The following DACH2 variants were observed in gnomAD, a reference collection of about 807,000 sequenced individuals.
DACH2 encodes dachshund family transcription factor 2.
DACH2 carries 17 observed loss-of-function variants against 35.8 expected under a neutral mutation model. The ratio of observed to expected loss-of-function variants is 0.48; its 90% confidence interval spans 0.33 to 0.71. DACH2 has a LOEUF of 0.71. Ranked by LOEUF, DACH2 falls within the 30% of genes least tolerant of loss-of-function variation. DACH2 has a pLI of 0.02. For missense variants in DACH2, 469 were observed against 472.7 expected, an observed-to-expected ratio of 0.99 and a Z score of 0.07; for synonymous variants, 195 against 177.3, an observed-to-expected ratio of 1.10 and a Z score of -0.79.
intron 1 of DACH2, among the ~76,000 whole-genome samples, chrX:86,265,298 T>C (rs1402580763): frequency 8.9e-6 from 1 of 111,915 alleles, no homozygotes; most frequent in Non-Finnish European, 1.9e-5. Context: ...TTACTTCCAA[T>C]AGTACACATT....
intron 2 of DACH2, among the ~76,000 whole-genome samples, chrX:86,442,615 T>G (rs757512398): frequency 5.4e-4 from 55 of 102,191 alleles, no homozygotes; most frequent in Non-Finnish European, 1.0e-3. Flanking sequence ...TATCCAAAAA[T>G]TTTTTGCCTA....
At chrX:86,487,307 C>T (rs779646633) in intron 2 of DACH2, among the ~76,000 whole-genome samples, 8 of 111,611 alleles carry the variant, frequency 7.2e-5, no homozygotes, top group Non-Finnish European at 1.1e-4. Context: ...TATATTCTTT[C>T]CTGTTCAATG....
chrX:86,619,603 G>C (rs1045358642), intron 3 of DACH2, among the ~76,000 whole-genome samples: 7 of 111,934 alleles, frequency 6.3e-5, no homozygotes, highest in Admixed American at 4.8e-4. Context: ...TCAAGCCATA[G>C]ATCTTGACTG....
At chrX:86,178,929 C>T (rs1328177587) in intron 1 of DACH2, among the ~76,000 whole-genome samples, 1 of 111,770 alleles carries the variant, frequency 8.9e-6, no homozygotes, top group Non-Finnish European at 1.9e-5. Flanking sequence ...GAAATGTTTG[C>T]AACCAAGACT....
intron 6 of DACH2, among the ~76,000 whole-genome samples, chrX:86,732,755 A>G (rs1462718974): frequency 5.3e-5 from 6 of 112,273 alleles, no homozygotes. Context: ...TATTTTCTTT[A>G]TGTTTTACAT....
chrX:86,336,446 C>G (rs759156242), intron 1 of DACH2, among the ~76,000 whole-genome samples: 1 of 111,773 alleles, frequency 8.9e-6, no homozygotes. Flanking sequence ...GATACCCAGG[C>G]AAACAGGGTC....
intron 11 of DACH2, chrX:86,827,693 T>G: frequency 1.1e-6 from 1 of 914,845 alleles, no homozygotes; most frequent in East Asian, 3.4e-5. Context: ...TTCAGTGAAG[T>G]GCATTGAGTA....
chrX:86,689,936 G>A (rs1394358742), intron 4 of DACH2, among the ~76,000 whole-genome samples: 2 of 111,521 alleles, frequency 1.8e-5, no homozygotes, highest in African/African-American at 6.5e-5. Flanking sequence ...TCATAAGACA[G>A]AGATCATTTT....
chrX:86,562,030 G>A (rs72633159), intron 3 of DACH2, among the ~76,000 whole-genome samples: 2 of 27,264 alleles, frequency 7.3e-5, no homozygotes, highest in African/African-American at 9.2e-4. Flanking sequence ...AAAATCTTTT[G>A]AAGGTGTTAT....
chrX:86,293,698 G>C (rs2034366263), intron 1 of DACH2, among the ~76,000 whole-genome samples: 1 of 110,741 alleles, frequency 9.0e-6, no homozygotes, highest in Admixed American at 9.6e-5. Flanking sequence ...AGTTTGGCTG[G>C]ATATGAAATT....
At chrX:86,164,051 A>G (rs1339011988) in intron 1 of DACH2, among the ~76,000 whole-genome samples, 1 of 112,000 alleles carries the variant, frequency 8.9e-6, no homozygotes, top group Non-Finnish European at 1.9e-5. Flanking sequence ...CCAACAGTGT[A>G]TAAGTGTTCC....
chrX:86,672,366 A>G (rs1360396531), intron 4 of DACH2, among the ~76,000 whole-genome samples: 1 of 112,047 alleles, frequency 8.9e-6, no homozygotes, highest in Non-Finnish European at 1.9e-5. Flanking sequence ...ACAATAGGGG[A>G]AAATGCCTCA....
At chrX:86,420,027 A>G (rs1416304932) in intron 2 of DACH2, among the ~76,000 whole-genome samples, 1 of 112,247 alleles carries the variant, frequency 8.9e-6, no homozygotes, top group Non-Finnish European at 1.9e-5. Flanking sequence ...TGTGAAGATT[A>G]GATGAGAACT....
intron 2 of DACH2, among the ~76,000 whole-genome samples, chrX:86,446,536 T>C (rs1253008549): frequency 2.0e-5 from 1 of 50,865 alleles, no homozygotes; most frequent in Non-Finnish European, 3.6e-5. Flanking sequence ...TGAGTGAGAA[T>C]ATGCGGTGTT....
chrX:86,302,964 A>T (rs758824850), intron 1 of DACH2, among the ~76,000 whole-genome samples: 1 of 108,074 alleles, frequency 9.3e-6, no homozygotes, highest in East Asian at 2.9e-4. Flanking sequence ...AACACAAACA[A>T]TATTCCCAAA....
intron 4 of DACH2, among the ~76,000 whole-genome samples, chrX:86,682,340 T>A (rs1425883257): frequency 8.9e-6 from 1 of 111,736 alleles, no homozygotes; most frequent in Non-Finnish European, 1.9e-5. Flanking sequence ...TGTTCTGGAG[T>A]CTTTCCTGGT....
At chrX:86,348,034 A>T (rs891991627) in intron 1 of DACH2, among the ~76,000 whole-genome samples, 2 of 111,811 alleles carry the variant, frequency 1.8e-5, no homozygotes, top group African/African-American at 6.5e-5. Flanking sequence ...TCAGGAAGGC[A>T]TATCAGCCGG....
At chrX:86,302,117 CATATATATTTTATTTTATTTTATTATTT>C (rs2034586930) in intron 1 of DACH2, among the ~76,000 whole-genome samples, 1 of 111,320 alleles carries the variant, frequency 9.0e-6, no homozygotes, top group Non-Finnish European at 1.9e-5. Context: ...GGGTTTTATA[CATATATATTTTATTTTATTTTATTATTT>C]TATTTCATTT....
At chrX:86,425,733 A>G (rs2036882875) in intron 2 of DACH2, among the ~76,000 whole-genome samples, 1 of 111,025 alleles carries the variant, frequency 9.0e-6, no homozygotes, top group Non-Finnish European at 1.9e-5. Context: ...GATCAGCTTT[A>G]CTTACTCTGA....
Sources: allele counts gnomAD v4.1 joint callset (sites outside exome capture counted in the v4.1 genomes callset), GRCh38; gene constraint gnomAD v4.1.1; transcripts MANE v1.5; gene names NCBI Gene and HGNC (gene_info 2026-07-23, HGNC 2026-07-21).